Variants in RANBP2 observed in about 807,000 individuals in gnomAD.
The protein encoded by RANBP2 is RAN binding protein 2, also known as E3 SUMO-protein ligase RanBP2.
In RANBP2, 57 loss-of-function variants were observed where a neutral mutation model predicts 303.6. The observed-to-expected ratio is 0.19, with a 90% CI of 0.15 to 0.23. The LOEUF (loss-of-function observed/expected upper bound fraction) is 0.23, where lower values mean the gene tolerates loss of function less well. Ranked by LOEUF, RANBP2 falls within the 10% of genes least tolerant of loss-of-function variation. The pLI is 1.00. For missense variants in RANBP2, 3,138 were observed against 3,780.8 expected (o/e 0.83, Z 4.46); for synonymous variants, 1,167 against 1,301.5 (o/e 0.90, Z 2.23).
At chr2:109,471,236 T>G in the RANBP2 span, among the ~76,000 whole-genome samples, 9 of 130,584 alleles carry the variant, frequency 6.9e-5, no homozygotes, top group Admixed American at 5.3e-4. Context: ...AAAAAAGAAA[T>G]TAATACCTGA....
chr2:108,724,197 C>G (rs1287312641), intron 1 of RANBP2, among the ~76,000 whole-genome samples: 1 of 152,160 alleles, frequency 6.6e-6, no homozygotes, highest in African/African-American at 2.4e-5. Flanking sequence ...GAGTCTTGCT[C>G]TGTTGCCCAG....
chr2:109,442,179 C>T, the RANBP2 span, among the ~76,000 whole-genome samples: 9 of 152,052 alleles, frequency 5.9e-5, no homozygotes, highest in African/African-American at 1.2e-4. Context: ...GGCGTGTTGG[C>T]GGGCGCCTGT....
chr2:108,770,677 G>C (rs1383244792), intron 20 of RANBP2, among the ~76,000 whole-genome samples: 1 of 151,994 alleles, frequency 6.6e-6, no homozygotes, highest in Non-Finnish European at 1.5e-5. Context: ...AGAATAAAAA[G>C]AAACAGTTAA....
the RANBP2 span, among the ~76,000 whole-genome samples, chr2:109,527,903 C>T: frequency 3.3e-5 from 5 of 152,252 alleles, no homozygotes; most frequent in Middle Eastern, 3.4e-3. Flanking sequence ...ACTGAGGAGC[C>T]AGGGAGGGCA....
the RANBP2 span, among the ~76,000 whole-genome samples, chr2:108,814,344 A>T: frequency 6.6e-6 from 1 of 152,048 alleles, no homozygotes; most frequent in Non-Finnish European, 1.5e-5. Flanking sequence ...ATGGGCTTTG[A>T]TCATTTTGAT....
chr2:109,421,269 A>C, the RANBP2 span, among the ~76,000 whole-genome samples: 36 of 152,350 alleles, frequency 2.4e-4, no homozygotes, highest in East Asian at 6.4e-3. Context: ...GAGTGCTTCA[A>C]GGGCAAAGCC....
In RANBP2 at chr2:108,738,485, A is replaced by G. The variant is rs372508977; in HGVS notation, c.783-2004A>G. On this transcript the variant is annotated intron_variant, in intron 6 of 28. Transcript: ENST00000283195. ...TGTGATCCGCTTGCCTTGGCCTTCC[A>G]AAGTGCTGGGATTGCAGGTCTGAGC... Among the ~76,000 whole-genome samples the G allele has an allele frequency of 7.9e-5, 12 of 152,272 alleles. No individual in the cohort carries two copies. In the East Asian group the frequency reaches 2.3e-3, roughly 29 times the overall value.
chr2:109,582,509 A>G, the RANBP2 span, among the ~76,000 whole-genome samples: 1 of 151,994 alleles, frequency 6.6e-6, no homozygotes, highest in Non-Finnish European at 1.5e-5. Flanking sequence ...TTTTGTAGAG[A>G]CGAGGTCCCA....
the RANBP2 span, chr2:109,545,484 C>T: frequency 6.5e-7 from 1 of 1,536,156 alleles, no homozygotes; most frequent in Non-Finnish European, 8.7e-7. Context: ...TTACGTCCAC[C>T]ATTGGTTTCA....
chr2:109,131,945 A>G, the RANBP2 span, among the ~76,000 whole-genome samples: 2 of 152,234 alleles, frequency 1.3e-5, no homozygotes. Context: ...ATGCTGGGAT[A>G]ATAGCATTAG....
At chr2:108,754,407 A>T (rs1465370780) in intron 15 of RANBP2, among the ~76,000 whole-genome samples, 1 of 151,112 alleles carries the variant, frequency 6.6e-6, no homozygotes, top group Admixed American at 6.6e-5. Context: ...TGAGATTGTC[A>T]TGATGATGTT....
chr2:109,372,890 A>G, the RANBP2 span, among the ~76,000 whole-genome samples: 1 of 152,204 alleles, frequency 6.6e-6, no homozygotes, highest in African/African-American at 2.4e-5. Context: ...CAGATACTTA[A>G]AGATGTTTGT....
intron 1 of RANBP2, among the ~76,000 whole-genome samples, chr2:108,723,565 G>A (rs1234560418): frequency 1.3e-5 from 2 of 152,104 alleles, no homozygotes; most frequent in African/African-American, 2.4e-5. Context: ...GTGAGCCACC[G>A]CGCCGGGCCC....
the RANBP2 span, among the ~76,000 whole-genome samples, chr2:109,003,511 C>T: frequency 6.6e-6 from 1 of 151,628 alleles, no homozygotes; most frequent in African/African-American, 2.4e-5. Flanking sequence ...CCTGGGTTCA[C>T]GTGATTCTCC....
chr2:109,551,885 G>C, the RANBP2 span, among the ~76,000 whole-genome samples: 3 of 152,182 alleles, frequency 2.0e-5, no homozygotes, highest in African/African-American at 7.2e-5. Flanking sequence ...AACTACAGAA[G>C]TTCAGTGATT....
the RANBP2 span, among the ~76,000 whole-genome samples, chr2:109,130,492 GAA>G: frequency 6.6e-6 from 1 of 152,206 alleles, no homozygotes; most frequent in Admixed American, 6.5e-5. Flanking sequence ...CCTGCCTAGA[GAA>G]AAGTTAGCCC....
the RANBP2 span, among the ~76,000 whole-genome samples, chr2:109,465,915 A>G: frequency 6.6e-6 from 1 of 152,084 alleles, no homozygotes; most frequent in Admixed American, 6.6e-5. Flanking sequence ...ACCATTCACC[A>G]AGGATCCGTC....
the RANBP2 span, among the ~76,000 whole-genome samples, chr2:109,075,567 C>T: frequency 9.9e-6 from 1 of 101,114 alleles, no homozygotes; most frequent in Non-Finnish European, 2.0e-5. Context: ...AATCAACATG[C>T]CCTTAGACAA....
the RANBP2 span, among the ~76,000 whole-genome samples, chr2:109,436,356 C>A: frequency 3.2e-3 from 486 of 152,304 alleles, 4 homozygotes; most frequent in African/African-American, 0.011. Flanking sequence ...CTGGAAACTT[C>A]GGAGTGAAAG....
Sources: allele counts gnomAD v4.1 joint callset (sites outside exome capture counted in the v4.1 genomes callset), GRCh38; gene constraint gnomAD v4.1.1; transcripts MANE v1.5; gene names NCBI Gene and HGNC (gene_info 2026-07-23, HGNC 2026-07-21).